Variants in UNC5D observed in about 807,000 individuals in gnomAD.
The protein encoded by UNC5D is netrin receptor UNC5D.
A neutral mutation model predicts 105.4 loss-of-function variants in UNC5D; 39 were observed. The observed-to-expected ratio is 0.37, with a 90% CI of 0.29 to 0.48. The LOEUF is 0.48. Ranked by LOEUF, UNC5D falls within the 20% of genes least tolerant of loss-of-function variation. The pLI is 0.98. For synonymous variants in UNC5D, 452 were observed against 450.4 expected (o/e 1.00, Z -0.04); for missense variants, 991 against 1,202.4 (o/e 0.82, Z 2.60).
At chr8:35,498,086 A>C (rs1456774046) in intron 1 of UNC5D, among the ~76,000 whole-genome samples, 7 of 65,028 alleles carry the variant, frequency 1.1e-4, no homozygotes, top group African/African-American at 7.1e-4. Flanking sequence ...AAACAAAACA[A>C]AAAAAAAAAA....
At chr8:35,663,022 T>C (rs1010797713) in intron 4 of UNC5D, among the ~76,000 whole-genome samples, 12 of 152,164 alleles carry the variant, frequency 7.9e-5, no homozygotes, top group African/African-American at 2.9e-4. Flanking sequence ...TAGAACAGTT[T>C]CATCCTGAAA....
At position 35,686,568 on chromosome 8, in the gene UNC5D, A is replaced by G. The variant is rs759257481; in HGVS notation, c.943A>G (p.Ser315Gly). Residue 315 changes from serine to glycine, a missense_variant, in exon 7 of 17, where the codon AGC becomes GGC. Coordinates refer to ENST00000404895, the MANE Select transcript of UNC5D (RefSeq NM_080872.4). ...CPVDGSWEVWSEWSVCSPECE... is the reference protein window; with the variant it reads ...CPVDGSWEVWGEWSVCSPECE... ...AGTGGATGGGAGCTGGGAAGTGTGG[A>G]GCGAATGGTCCGTCTGCAGTCCAGA... The G allele has an allele frequency of 6.3e-7, 1 of 1,588,068 alleles. No individual in the cohort carries two copies. The highest frequency in any genetic ancestry group is 8.5e-7 in the Non-Finnish European group (1 of 1,172,034).
chr8:35,731,415 AAAAAAAAAAAAAAAG>A (rs1829189422), intron 11 of UNC5D, among the ~76,000 whole-genome samples: 2 of 150,592 alleles, frequency 1.3e-5, no homozygotes, highest in African/African-American at 4.9e-5. Context: ...AAAAAAAAAA[AAAAAAAAAAAAAAAG>A]GGCATTTTAA....
At chr8:35,398,495 G>T (rs1804239494) in intron 1 of UNC5D, among the ~76,000 whole-genome samples, 1 of 151,388 alleles carries the variant, frequency 6.6e-6, no homozygotes, top group Non-Finnish European at 1.5e-5. Context: ...CCCTTAATTT[G>T]TAATTAGATA....
At chr8:35,722,741 G>C (rs1374301265) in intron 9 of UNC5D, among the ~76,000 whole-genome samples, 1 of 152,182 alleles carries the variant, frequency 6.6e-6, no homozygotes, top group African/African-American at 2.4e-5. Context: ...CCAAAGTATT[G>C]GTCATTCAAG....
chr8:35,388,195 C>G (rs1803549859), intron 1 of UNC5D, among the ~76,000 whole-genome samples: 1 of 151,898 alleles, frequency 6.6e-6, no homozygotes, highest in African/African-American at 2.4e-5. Context: ...TAAACCCCGT[C>G]TCTACTAAAA....
chr8:35,739,568 C>T (rs1021566799), intron 11 of UNC5D, among the ~76,000 whole-genome samples: 1 of 152,038 alleles, frequency 6.6e-6, no homozygotes, highest in African/African-American at 2.4e-5. Flanking sequence ...ATTAAAGATG[C>T]CATTGACAAG....
chr8:35,624,272 A>G (rs1400469057), intron 4 of UNC5D, among the ~76,000 whole-genome samples: 3 of 152,196 alleles, frequency 2.0e-5, no homozygotes, highest in African/African-American at 7.2e-5. Flanking sequence ...GGAAGCCACA[A>G]TCTCTTTAGT....
At chr8:35,571,592 G>A (rs1310109289) in intron 3 of UNC5D, among the ~76,000 whole-genome samples, 1 of 152,142 alleles carries the variant, frequency 6.6e-6, no homozygotes, top group East Asian at 1.9e-4. Context: ...CTTTTGATTT[G>A]CTTGCAGGGA....
intron 4 of UNC5D, among the ~76,000 whole-genome samples, chr8:35,657,109 T>TACATATATATATATATATATATATATAC (rs1169819618): frequency 8.5e-6 from 1 of 117,036 alleles, no homozygotes; most frequent in African/African-American, 3.0e-5. Context: ...TATATATATA[T>TACATATATATATATATATATATATATAC]ATATATATAT....
At chr8:35,426,619 T>G (rs2128970947) in intron 1 of UNC5D, among the ~76,000 whole-genome samples, 1 of 152,310 alleles carries the variant, frequency 6.6e-6, no homozygotes, top group East Asian at 1.9e-4. Flanking sequence ...GGGATGTCCT[T>G]TTGTATTTCT....
intron 1 of UNC5D, among the ~76,000 whole-genome samples, chr8:35,251,381 C>G (rs534617230): frequency 3.4e-4 from 51 of 152,170 alleles, no homozygotes; most frequent in African/African-American, 1.1e-3. Flanking sequence ...AGAACCACCC[C>G]CATGATTCAA....
intron 3 of UNC5D, among the ~76,000 whole-genome samples, chr8:35,584,253 C>A (rs1325793830): frequency 3.3e-5 from 5 of 151,896 alleles, no homozygotes; most frequent in Non-Finnish European, 7.4e-5. Flanking sequence ...TGAATACAAT[C>A]GACGGAAAAG....
intron 1 of UNC5D, among the ~76,000 whole-genome samples, chr8:35,258,428 G>A (rs1328231355): frequency 5.3e-5 from 8 of 152,162 alleles, no homozygotes; most frequent in Admixed American, 5.2e-4. Flanking sequence ...AGCACACAGT[G>A]TGGGGGATCA....
At chr8:35,562,884 A>AC (rs1429602786) in intron 2 of UNC5D, among the ~76,000 whole-genome samples, 2 of 152,154 alleles carry the variant, frequency 1.3e-5, no homozygotes, top group African/African-American at 4.8e-5. Flanking sequence ...TTTTGCCTCA[A>AC]CCAGTGTCCT....
intron 3 of UNC5D, among the ~76,000 whole-genome samples, chr8:35,573,723 TTG>T (rs147884493): frequency 2.6e-5 from 4 of 151,502 alleles, no homozygotes; most frequent in Non-Finnish European, 4.4e-5. Context: ...CATGGTCCAG[TTG>T]TGTGTGTGTG....
intron 4 of UNC5D, among the ~76,000 whole-genome samples, chr8:35,653,496 A>G (rs1461873382): frequency 6.6e-6 from 1 of 152,160 alleles, no homozygotes; most frequent in African/African-American, 2.4e-5. Flanking sequence ...TGCTGATGCT[A>G]ATGCTGTTTG....
At chr8:35,399,271 A>T (rs891509020) in intron 1 of UNC5D, among the ~76,000 whole-genome samples, 1 of 152,076 alleles carries the variant, frequency 6.6e-6, no homozygotes, top group Non-Finnish European at 1.5e-5. Flanking sequence ...GAGCAAACCA[A>T]TAGACTCTTC....
At chr8:35,528,452 G>C (rs1384327688) in intron 1 of UNC5D, among the ~76,000 whole-genome samples, 7 of 148,338 alleles carry the variant, frequency 4.7e-5, no homozygotes, top group African/African-American at 1.8e-4. Flanking sequence ...ATCATTGTTG[G>C]ACATTTGGGT....
Sources: gnomAD v4.1 joint callset for allele counts (sites outside exome capture counted in the v4.1 genomes callset) on GRCh38, gnomAD v4.1.1 for gene constraint, MANE v1.5 for transcripts, NCBI Gene and HGNC (gene_info 2026-07-23, HGNC 2026-07-21) for gene names.